SLC35F4: variants seen among roughly 807,000 people sequenced by gnomAD.
SLC35F4 encodes chromosome 14 open reading frame 36.
In SLC35F4, 24 loss-of-function variants were observed where a neutral mutation model predicts 44.2. The ratio of observed to expected loss-of-function variants is 0.54; its 90% CI spans 0.39 to 0.76. The LOEUF (loss-of-function observed/expected upper bound fraction) is 0.76. SLC35F4 is among the 30% of genes least tolerant of loss of function. The pLI is 0.00. For synonymous variants in SLC35F4, 238 were observed against 223.6 expected (o/e 1.06, Z -0.57); for missense variants, 562 against 586.1 (o/e 0.96, Z 0.42).
intron 1 of SLC35F4, among the ~76,000 whole-genome samples, chr14:57,917,628 G>A (rs1889356029): frequency 6.6e-6 from 1 of 152,028 alleles, no homozygotes; most frequent in Non-Finnish European, 1.5e-5. Flanking sequence ...TGTGGGGGTG[G>A]GGTGGGGAAG....
intron 1 of SLC35F4, among the ~76,000 whole-genome samples, chr14:57,889,970 G>T (rs1408930976): frequency 6.6e-6 from 1 of 152,176 alleles, no homozygotes; most frequent in African/African-American, 2.4e-5. Context: ...GTAGTCTAGT[G>T]TGCTGGCTGA....
At chr14:57,681,732 T>A (rs997763497) in intron 1 of SLC35F4, among the ~76,000 whole-genome samples, 2 of 152,016 alleles carry the variant, frequency 1.3e-5, no homozygotes, top group Admixed American at 6.5e-5. Context: ...TGGGAGAAAA[T>A]TTTTGCAATC....
intron 1 of SLC35F4, among the ~76,000 whole-genome samples, chr14:57,920,123 T>A (rs540248484): frequency 6.0e-4 from 92 of 152,300 alleles, no homozygotes; most frequent in African/African-American, 2.1e-3. Flanking sequence ...TCTTTCTGTA[T>A]GAAACGTGTA....
chr14:57,956,824 C>T (rs929870316), intron 1 of SLC35F4, among the ~76,000 whole-genome samples: 1 of 152,146 alleles, frequency 6.6e-6, no homozygotes, highest in Admixed American at 6.6e-5. Context: ...GAAATAGGAG[C>T]ACTTTTACAT....
At chr14:57,615,038 A>G (rs571313715) in intron 1 of SLC35F4, among the ~76,000 whole-genome samples, 3 of 152,356 alleles carry the variant, frequency 2.0e-5, no homozygotes, top group Non-Finnish European at 2.9e-5. Flanking sequence ...AATTCTATGA[A>G]AATTTCAGTC....
chr14:57,974,753 G>C (rs1319954675), downstream of SLC35F4, among the ~76,000 whole-genome samples: 1 of 152,174 alleles, frequency 6.6e-6, no homozygotes. Context: ...TCTGTAAAAG[G>C]AGGATAGGAA....
chr14:57,872,136 C>A (rs2141027531), intron 1 of SLC35F4, among the ~76,000 whole-genome samples: 1 of 152,354 alleles, frequency 6.6e-6, no homozygotes, highest in South Asian at 2.1e-4. Flanking sequence ...ACGTTCAATA[C>A]ATCCACATCT....
intron 1 of SLC35F4, among the ~76,000 whole-genome samples, chr14:57,820,644 G>A (rs10149878): frequency 0.082 from 12,449 of 152,226 alleles, 578 homozygotes; most frequent in Middle Eastern, 0.12. Context: ...ATGTATCTGC[G>A]GAATGAGTGC....
Position 57,776,665 on chromosome 14 carries a change from C to CAAAAAA in SLC35F4, c.103+89052_103+89057dup, listed in dbSNP as rs57272978. Among the ~76,000 whole-genome samples, 13 of 72,026 alleles carry CAAAAAA rather than the reference C, an allele frequency of 1.8e-4. No homozygotes were observed. In the East Asian group the frequency reaches 2.2e-3, roughly 12 times the overall value. 47.3% of individuals were successfully genotyped at this position (72,026 alleles called of 152,430 possible). ...TGGGCAGCAGAGCAAGACTCCATCT[C>CAAAAAA]AAAAAAAAAAAAAAAAAAAAAAAAT... On this transcript the variant is annotated intron_variant, in intron 1 of 7. Transcript: ENST00000556826.
chr14:57,798,989 G>A (rs920945630), intron 1 of SLC35F4, among the ~76,000 whole-genome samples: 1 of 152,284 alleles, frequency 6.6e-6, no homozygotes, highest in South Asian at 2.1e-4. Flanking sequence ...GAATTATGTA[G>A]CCAATTAAAA....
chr14:57,733,314 G>A (rs564247556), intron 1 of SLC35F4, among the ~76,000 whole-genome samples: 7 of 148,120 alleles, frequency 4.7e-5, no homozygotes, highest in African/African-American at 1.7e-4. Flanking sequence ...GTCTAAGAAT[G>A]GATTTTTAAA....
intron 1 of SLC35F4, among the ~76,000 whole-genome samples, chr14:57,795,292 T>C (rs2078028462): frequency 6.6e-6 from 1 of 152,200 alleles, no homozygotes; most frequent in African/African-American, 2.4e-5. Flanking sequence ...TTTTGTTCTG[T>C]CTATGACTTT....
At chr14:57,891,686 G>A (rs1888767280) in intron 1 of SLC35F4, among the ~76,000 whole-genome samples, 1 of 152,008 alleles carries the variant, frequency 6.6e-6, no homozygotes, top group African/African-American at 2.4e-5. Context: ...GAGCATCCTG[G>A]CCAATATGAT....
intron 1 of SLC35F4, among the ~76,000 whole-genome samples, chr14:57,783,215 G>A (rs1217711410): frequency 6.6e-6 from 1 of 152,132 alleles, no homozygotes; most frequent in Non-Finnish European, 1.5e-5. Context: ...AAAGGAAGAT[G>A]AAGTATCTAA....
At chr14:57,784,760 C>T (rs11850194) in intron 1 of SLC35F4, among the ~76,000 whole-genome samples, 75,720 of 151,962 alleles carry the variant, frequency 0.5, 22,255 homozygotes, top group African/African-American at 0.81. Flanking sequence ...TATAAAGTTA[C>T]ACCAAGTATA....
chr14:57,563,939 A>G lies in SLC35F4; in HGVS notation c.*196T>C, dbSNP rs2068079355. On this transcript the variant is annotated 3_prime_UTR_variant, in exon 8 of 8. Transcript: ENST00000556826. ...AACAGAACAAGGACAAATGTGTTTT[A>G]ATAAAAAAATCCATTATGATTATTT... 6.6e-6 allele frequency: 4 copies of G among 610,154 alleles called. No homozygotes were observed. Among genetic ancestry groups the G allele is most frequent in the Non-Finnish European group, 1.1e-5 (4 of 376,934 alleles). 37.8% of individuals were successfully genotyped at this position (610,154 alleles called of 1,614,324 possible).
At chr14:57,606,814 G>C (rs565004547) in intron 1 of SLC35F4, among the ~76,000 whole-genome samples, 1 of 152,114 alleles carries the variant, frequency 6.6e-6, no homozygotes, top group African/African-American at 2.4e-5. Flanking sequence ...ATTTGACAAC[G>C]CATTAATAAG....
At chr14:57,690,560 G>A (rs940000508) in intron 1 of SLC35F4, among the ~76,000 whole-genome samples, 3 of 152,038 alleles carry the variant, frequency 2.0e-5, no homozygotes, top group Admixed American at 6.6e-5. Flanking sequence ...ATGAGGGATG[G>A]TTTGGGATGA....
At chr14:57,591,654 C>A (rs1159379022) in intron 2 of SLC35F4, among the ~76,000 whole-genome samples, 1 of 152,146 alleles carries the variant, frequency 6.6e-6, no homozygotes, top group Non-Finnish European at 1.5e-5. Context: ...TTCTGAGCAC[C>A]CACATGGCTG....
Sources: allele counts gnomAD v4.1 joint callset (sites outside exome capture counted in the v4.1 genomes callset), GRCh38; gene constraint gnomAD v4.1.1; transcripts MANE v1.5; gene names NCBI Gene and HGNC (gene_info 2026-07-23, HGNC 2026-07-21).